Variants in EPHA5 observed in about 807,000 individuals in gnomAD.
EPHA5 encodes EPH receptor A5, also known as ephrin type-A receptor 5.
A neutral mutation model predicts 105.0 loss-of-function variants in EPHA5; 60 were observed. That is an observed-to-expected ratio of 0.57 (90% CI 0.46 to 0.71). The LOEUF (loss-of-function observed/expected upper bound fraction) is 0.71. EPHA5 is among the 30% of genes least tolerant of loss of function. The pLI is 0.00. For synonymous variants in EPHA5, 513 were observed against 449.1 expected, an observed-to-expected ratio of 1.14 and a Z score of -1.80; for missense variants, 1,218 against 1,274.7, an observed-to-expected ratio of 0.96 and a Z score of 0.68.
intron 1 of EPHA5, among the ~76,000 whole-genome samples, chr4:65,646,399 C>A (rs753692802): frequency 6.6e-6 from 1 of 152,120 alleles, no homozygotes; most frequent in South Asian, 2.1e-4. Flanking sequence ...TCAGCATACA[C>A]CAGTGGTTCT....
intron 3 of EPHA5, among the ~76,000 whole-genome samples, chr4:65,559,871 C>A (rs1157931841): frequency 6.6e-6 from 1 of 151,932 alleles, no homozygotes; most frequent in African/African-American, 2.4e-5. Flanking sequence ...TAAAATGTCT[C>A]GATTACTGAA....
intron 3 of EPHA5, among the ~76,000 whole-genome samples, chr4:65,532,837 T>A (rs1388463942): frequency 6.6e-6 from 1 of 152,120 alleles, no homozygotes; most frequent in Non-Finnish European, 1.5e-5. Context: ...TTTTTAATGG[T>A]CTCTTTAAGA....
intron 8 of EPHA5, among the ~76,000 whole-genome samples, chr4:65,373,889 G>C (rs919182960): frequency 6.7e-6 from 1 of 149,428 alleles, no homozygotes; most frequent in African/African-American, 2.5e-5. Context: ...AAAATAATCT[G>C]ACTAATTTGA....
At chr4:65,349,081 G>T (rs1260069777) in intron 13 of EPHA5, among the ~76,000 whole-genome samples, 4 of 151,766 alleles carry the variant, frequency 2.6e-5, no homozygotes, top group Admixed American at 6.6e-5. Context: ...CTCCCAAAGT[G>T]CTGGGATTAC....
chr4:65,634,494 A>C (rs1037183901), intron 2 of EPHA5, among the ~76,000 whole-genome samples: 7 of 152,052 alleles, frequency 4.6e-5, no homozygotes, highest in Admixed American at 1.3e-4. Flanking sequence ...TAAATGCAAA[A>C]TATTTTGTCT....
At chr4:65,336,333 G>C (rs529376038) in intron 14 of EPHA5, among the ~76,000 whole-genome samples, 1 of 151,878 alleles carries the variant, frequency 6.6e-6, no homozygotes, top group African/African-American at 2.4e-5. Flanking sequence ...TAAAAAGATA[G>C]GCTTTCTTCA....
chr4:65,506,897 C>T (rs1042078270), intron 3 of EPHA5, among the ~76,000 whole-genome samples: 16 of 152,128 alleles, frequency 1.1e-4, no homozygotes, highest in African/African-American at 3.6e-4. Flanking sequence ...GCTTTTGTTG[C>T]CATTGCTTTT....
chr4:65,381,589 T>A (rs187168725), intron 8 of EPHA5, among the ~76,000 whole-genome samples: 48 of 151,972 alleles, frequency 3.2e-4, no homozygotes, highest in Admixed American at 1.1e-3. Flanking sequence ...ACTGAATAAA[T>A]TGTTCACTTG....
At chr4:65,373,873 A>G (rs746211655) in intron 8 of EPHA5, among the ~76,000 whole-genome samples, 13 of 151,388 alleles carry the variant, frequency 8.6e-5, no homozygotes, top group Non-Finnish European at 1.8e-4. Flanking sequence ...AACCTAATGA[A>G]TGAAGAAAAT....
intron 3 of EPHA5, among the ~76,000 whole-genome samples, chr4:65,544,167 CA>C (rs1737140115): frequency 6.6e-6 from 1 of 151,802 alleles, no homozygotes; most frequent in Non-Finnish European, 1.5e-5. Flanking sequence ...TAGGCATAGG[CA>C]AAAACTTCAT....
At chr4:65,559,673 A>G (rs1286184059) in intron 3 of EPHA5, among the ~76,000 whole-genome samples, 1 of 152,128 alleles carries the variant, frequency 6.6e-6, no homozygotes, top group Admixed American at 6.6e-5. Flanking sequence ...CTTATGTGAA[A>G]ATCCCTATGG....
chr4:65,566,052 A>G (rs1739499637), intron 3 of EPHA5, among the ~76,000 whole-genome samples: 1 of 151,706 alleles, frequency 6.6e-6, no homozygotes, highest in Non-Finnish European at 1.5e-5. Flanking sequence ...TGTCTTTCAT[A>G]ATTCCACTAT....
At chr4:65,644,736 G>T (rs10011257) in intron 1 of EPHA5, among the ~76,000 whole-genome samples, 1 of 151,794 alleles carries the variant, frequency 6.6e-6, no homozygotes. Context: ...ACAAAAGCAC[G>T]TTTGGGAACA....
chr4:65,622,749 G>A (rs561347950), intron 2 of EPHA5, among the ~76,000 whole-genome samples: 3 of 151,928 alleles, frequency 2.0e-5, no homozygotes, highest in African/African-American at 4.8e-5. Context: ...CATAACTCCT[G>A]TATAAATTCT....
chr4:65,400,132 G>A (rs1398883075), intron 8 of EPHA5, among the ~76,000 whole-genome samples: 1 of 152,080 alleles, frequency 6.6e-6, no homozygotes, highest in Non-Finnish European at 1.5e-5. Context: ...AATATTCATT[G>A]GTGAAAGACT....
At chr4:65,667,015 A>T (rs1750023730) in intron 1 of EPHA5, among the ~76,000 whole-genome samples, 1 of 152,200 alleles carries the variant, frequency 6.6e-6, no homozygotes, top group Admixed American at 6.5e-5. Flanking sequence ...TTGGGAAATC[A>T]CTAAGCATCT....
chr4:65,390,978 C>T (rs1720660852), intron 8 of EPHA5, among the ~76,000 whole-genome samples: 6 of 151,970 alleles, frequency 3.9e-5, no homozygotes, highest in Admixed American at 3.9e-4. Context: ...GGTGGAGAGG[C>T]CTCAGGAAAC....
chr4:65,663,232 C>T (rs1749694085), intron 1 of EPHA5, among the ~76,000 whole-genome samples: 1 of 151,950 alleles, frequency 6.6e-6, no homozygotes, highest in Admixed American at 6.6e-5. Context: ...GGTTTTCAGG[C>T]AATTTTTAAA....
At chr4:65,520,179 G>A (rs1341683145) in intron 3 of EPHA5, among the ~76,000 whole-genome samples, 1 of 151,996 alleles carries the variant, frequency 6.6e-6, no homozygotes, top group Non-Finnish European at 1.5e-5. Flanking sequence ...CCAACACAGA[G>A]ATATAGACCA....
Sources: allele counts gnomAD v4.1 joint callset (sites outside exome capture counted in the v4.1 genomes callset), GRCh38; gene constraint gnomAD v4.1.1; transcripts MANE v1.5; gene names NCBI Gene and HGNC (gene_info 2026-07-23, HGNC 2026-07-21).